DLG2: variants seen among roughly 807,000 people sequenced by gnomAD.
The protein encoded by DLG2 is discs large MAGUK scaffold protein 2, also known as disks large homolog 2.
A neutral mutation model predicts 132.5 loss-of-function variants in DLG2; 45 were observed. The ratio of observed to expected loss-of-function variants is 0.34; its 90% CI spans 0.27 to 0.44. The LOEUF is 0.44. Among genes scored for constraint, DLG2 ranks in the 20% least tolerant of loss-of-function variants. The pLI is 1.00. For missense variants in DLG2, 1,045 were observed against 1,196.9 expected, an observed-to-expected ratio of 0.87 and a Z score of 1.87; for synonymous variants, 424 against 419.6, an observed-to-expected ratio of 1.01 and a Z score of -0.13.
chr11:85,214,909 T>C (rs1184065031), intron 4 of DLG2, among the ~76,000 whole-genome samples: 2 of 152,104 alleles, frequency 1.3e-5, no homozygotes, highest in African/African-American at 2.4e-5. Flanking sequence ...ATAGAGAGAT[T>C]TGTGGGTAAG....
intron 4 of DLG2, among the ~76,000 whole-genome samples, chr11:85,201,561 G>C (rs923948956): frequency 6.6e-6 from 1 of 152,204 alleles, no homozygotes; most frequent in African/African-American, 2.4e-5. Context: ...GGTAGCTGTA[G>C]TGGTCACAGT....
rs575357361 is a variant in DLG2 at position 83,469,132 on chromosome 11, A to C, written c.2619+69T>G. Reference sequence around the variant, plus strand: ...ATCAAGAAAGAGTAATGACCAAAAAAAAAAAAAAATGCAGTTTGCAACCTA... The same window carrying C: ...ATCAAGAAAGAGTAATGACCAAAAACAAAAAAAAATGCAGTTTGCAACCTA... On this transcript the variant is annotated intron_variant, in intron 25 of 27. Transcript: ENST00000376104. The C allele has an allele frequency of 5.8e-5, 76 of 1,311,568 alleles. No homozygotes were observed. In the African/African-American group the frequency reaches 1.0e-3, roughly 17 times the overall value. The allele number at this position is 1,311,568 out of a possible 1,614,324, so 81.2% of individuals were successfully genotyped here.
At chr11:84,881,161 A>C (rs2087268171) in intron 6 of DLG2, among the ~76,000 whole-genome samples, 1 of 152,148 alleles carries the variant, frequency 6.6e-6, no homozygotes, top group South Asian at 2.1e-4. Context: ...GTGCCTGCTG[A>C]TCAGACCTGG....
chr11:84,983,227 C>T lies in DLG2; in HGVS notation c.357+128434G>A, dbSNP rs138343201. Among the ~76,000 whole-genome samples the T allele has an allele frequency of 4.3e-3, 653 of 152,258 alleles. 4 individuals are homozygous for T. Among genetic ancestry groups the T allele is most frequent in the Non-Finnish European group, 6.8e-3 (462 of 68,008 alleles). On this transcript the variant is annotated intron_variant, in intron 6 of 27. Transcript: ENST00000376104. The stretch of plus-strand genomic sequence containing the variant: ...GAACCCACAGGCCCTCTGAAGGAAG[C>T]GGATTGCTCCTGAAGGACCCAGGAG...
At chr11:83,469,479 T>C (rs1432051) in intron 24 of DLG2, 106 bp from the exon 25 acceptor site, 233,202 of 836,444 alleles carry the variant, frequency 0.28, 34,411 homozygotes, top group Middle Eastern at 0.34. Context: ...TAGAAATATG[T>C]AGTATGAAGA....
chr11:84,691,335 C>A (rs950944628), intron 6 of DLG2, among the ~76,000 whole-genome samples: 2 of 151,648 alleles, frequency 1.3e-5, no homozygotes, highest in African/African-American at 4.8e-5. Flanking sequence ...AACATTTGTA[C>A]GTGTTTAGAA....
intron 6 of DLG2, among the ~76,000 whole-genome samples, chr11:84,795,823 T>G: frequency 6.6e-6 from 1 of 152,024 alleles, no homozygotes; most frequent in East Asian, 1.9e-4. Flanking sequence ...GCCACCATGT[T>G]CCCCGGTGCC....
chr11:84,268,863 G>A (rs1049698232), intron 7 of DLG2, among the ~76,000 whole-genome samples: 4 of 152,146 alleles, frequency 2.6e-5, no homozygotes, highest in Non-Finnish European at 5.9e-5. Context: ...ACAGTGCATG[G>A]CATAAAATTG....
intron 8 of DLG2, among the ~76,000 whole-genome samples, chr11:84,174,764 T>C (rs2095910980): frequency 6.6e-6 from 1 of 152,154 alleles, no homozygotes; most frequent in African/African-American, 2.4e-5. Context: ...TTCTTATCGA[T>C]ACCCTGGAAA....
At chr11:83,832,332 T>C (rs990524875) in intron 17 of DLG2, among the ~76,000 whole-genome samples, 1 of 152,152 alleles carries the variant, frequency 6.6e-6, no homozygotes, top group Non-Finnish European at 1.5e-5. Flanking sequence ...TAGATTGTGG[T>C]GATGGTTTCA....
chr11:84,792,937 A>G (rs756284643), intron 6 of DLG2, among the ~76,000 whole-genome samples: 2 of 151,768 alleles, frequency 1.3e-5, no homozygotes, highest in Non-Finnish European at 2.9e-5. Context: ...TATCTTTATT[A>G]TTACTTTTCT....
At chr11:84,262,249 G>A (rs2097556926) in intron 7 of DLG2, among the ~76,000 whole-genome samples, 1 of 152,116 alleles carries the variant, frequency 6.6e-6, no homozygotes, top group Non-Finnish European at 1.5e-5. Context: ...CCATTACCCT[G>A]CATGGAACAA....
At chr11:85,619,532 A>G (rs1389689134) in intron 2 of DLG2, among the ~76,000 whole-genome samples, 1 of 152,036 alleles carries the variant, frequency 6.6e-6, no homozygotes, top group African/African-American at 2.4e-5. Context: ...GAAGTTTTGG[A>G]AAACAGAAAA....
chr11:84,960,210 C>A (rs1305856057), intron 6 of DLG2, among the ~76,000 whole-genome samples: 2 of 152,072 alleles, frequency 1.3e-5, no homozygotes, highest in African/African-American at 4.8e-5. Flanking sequence ...CTCATAGTGT[C>A]TTTTATTCGC....
In DLG2 at chr11:84,966,554, C is replaced by T. The variant is rs141387760; in HGVS notation, c.357+145107G>A. ...AATCTACTGGTGGCAAGAAGACCAT[C>T]TGGGAGGCTCTGGCATAGTCTTGGC... is the stretch of plus-strand genomic sequence containing the variant. On this transcript the variant is annotated intron_variant, in intron 6 of 27. Coordinates refer to ENST00000376104, the MANE Select transcript of DLG2 (RefSeq NM_001142699.3). Among the ~76,000 whole-genome samples, 45 of 152,164 alleles carry T rather than the reference C, an allele frequency of 3.0e-4. No individual in the cohort carries two copies. In the East Asian group the frequency reaches 8.5e-3, roughly 29 times the overall value.
chr11:84,267,729 A>G (rs922105168), intron 7 of DLG2, among the ~76,000 whole-genome samples: 1 of 152,128 alleles, frequency 6.6e-6, no homozygotes, highest in African/African-American at 2.4e-5. Flanking sequence ...GAGACCACAT[A>G]GTTTCTCACC....
chr11:83,514,465 T>A (rs554901436), intron 21 of DLG2, among the ~76,000 whole-genome samples: 1 of 152,230 alleles, frequency 6.6e-6, no homozygotes, highest in East Asian at 1.9e-4. Flanking sequence ...TACAATCATG[T>A]CATCTGCAAA....
At chr11:83,994,363 G>A (rs533490347) in intron 11 of DLG2, among the ~76,000 whole-genome samples, 65 of 151,882 alleles carry the variant, frequency 4.3e-4, no homozygotes, top group South Asian at 3.6e-3. Context: ...TATGCCCAGG[G>A]GTTTTATGGA....
At chr11:85,270,094 A>G (rs1050487741) in intron 4 of DLG2, among the ~76,000 whole-genome samples, 1 of 151,946 alleles carries the variant, frequency 6.6e-6, no homozygotes, top group Non-Finnish European at 1.5e-5. Context: ...GAATACATAT[A>G]TGAATACATA....
Sources: allele counts gnomAD v4.1 joint callset (sites outside exome capture counted in the v4.1 genomes callset), GRCh38; gene constraint gnomAD v4.1.1; transcripts MANE v1.5; gene names NCBI Gene and HGNC (gene_info 2026-07-23, HGNC 2026-07-21).